HOOK1: variants seen among roughly 807,000 people sequenced by gnomAD.
The protein encoded by HOOK1 is protein Hook homolog 1.
In HOOK1, 60 loss-of-function variants were observed where a neutral mutation model predicts 112.8. That is an observed-to-expected ratio of 0.53 (90% CI 0.43 to 0.66). The LOEUF (loss-of-function observed/expected upper bound fraction) is 0.66. Ranked by LOEUF, HOOK1 falls within the 30% of genes least tolerant of loss-of-function variation. The probability of loss-of-function intolerance (pLI) is 0.00; values close to 1 mark genes in which losing one functional copy is unlikely to be tolerated. For missense variants in HOOK1, 770 were observed against 856.0 expected (o/e 0.90, Z 1.25); for synonymous variants, 294 against 283.8 (o/e 1.04, Z -0.36).
At chr1:59,871,997 G>A (rs532885789) in intron 21 of HOOK1, among the ~76,000 whole-genome samples, 6 of 152,334 alleles carry the variant, frequency 3.9e-5, no homozygotes, top group African/African-American at 1.4e-4. Context: ...ATCAGTGACT[G>A]TGTATTATTT....
chr1:59,822,244 A>G (rs921136009), intron 2 of HOOK1, among the ~76,000 whole-genome samples: 1 of 152,214 alleles, frequency 6.6e-6, no homozygotes, highest in East Asian at 1.9e-4. Context: ...TATAAAAGAA[A>G]CAAGTTAATG....
At chr1:59,833,558 T>C (rs374844840) in intron 5 of HOOK1, 21 bp downstream of exon 5, 345 of 1,513,600 alleles carry the variant, frequency 2.3e-4, no homozygotes, top group Non-Finnish European at 3.0e-4. Context: ...TTCAATCATT[T>C]GAGGATTTCT....
Position 59,815,013 on chromosome 1 carries a change from C to T in HOOK1, c.-105C>T, listed in dbSNP as rs1418665013. 1.6e-6 allele frequency: 2 copies of T among 1,219,990 alleles called. No homozygotes were observed. Among genetic ancestry groups the T allele is most frequent in the Non-Finnish European group, 1.2e-6 (1 of 862,592 alleles). 75.6% of individuals were successfully genotyped at this position (1,219,990 alleles called of 1,614,324 possible). A position where few individuals can be genotyped will look rare whatever the true frequency, so the allele number is the denominator to read the frequency against. ...GAGCTGCGCGGGTCGGGCCTGGTAC[C>T]GAGCTTTCCTGGGGGCTAGCAGGTC... On this transcript the variant is annotated 5_prime_UTR_variant, in exon 1 of 22. Transcript: ENST00000371208.
Position 59,847,151 on chromosome 1 carries a change from A to G in HOOK1, c.895A>G (p.Thr299Ala), listed in dbSNP as rs1336293367. 4 of 1,605,220 alleles carry G rather than the reference A, an allele frequency of 2.5e-6. No homozygotes were observed. In the African/African-American group the frequency reaches 4.0e-5, roughly 16 times the overall value. Residue 299 changes from threonine (T) to alanine (A), a missense_variant, in exon 10 of 22, where the codon ACA becomes GCA. By Grantham distance (58) the Thr-to-Ala change is moderately conservative. Around this residue, in one of 3 missense-constraint regions of HOOK1, gnomAD observed 655 missense variants for 725.9 expected, o/e 0.90. Transcript: ENST00000371208. The stretch of plus-strand genomic sequence containing the variant: ...TGAATTGACTAGTCTTGCAGAAGAA[A>G]CAAGAGCCCTGAAAGATGAAATAGA... ...NDELTSLAEE[T>A]RALKDEIDVL...
chr1:59,871,452 A>C (rs527589019), intron 21 of HOOK1, among the ~76,000 whole-genome samples: 58 of 152,334 alleles, frequency 3.8e-4, no homozygotes, highest in African/African-American at 1.3e-3. Context: ...TTCTGAAGAA[A>C]TATGAAGATC....
At chr1:59,847,425 G>T (rs1456896840) in intron 10 of HOOK1, among the ~76,000 whole-genome samples, 3 of 151,496 alleles carry the variant, frequency 2.0e-5, no homozygotes, top group Non-Finnish European at 4.4e-5. Flanking sequence ...CCCAAAATGA[G>T]ACCTTTAATT....
chr1:59,815,123 G>A lies in HOOK1; in HGVS notation c.6G>A (p.Glu2=). The stretch of plus-strand genomic sequence containing the variant: ...CGTCGACGGCGGCGCCGGCCATGGA[G>A]GAGACGCAGCCGCCGCCGCAGCCTA... M[E]ETQPPPQPKL... is the part of the protein sequence containing the mutation. Residue 2 remains glutamate, a synonymous_variant, in exon 1 of 22, where the codon GAG becomes GAA. Transcript: ENST00000371208. The A allele has an allele frequency of 6.5e-7, 1 of 1,541,730 alleles. No homozygotes were observed. The highest frequency in any genetic ancestry group is 8.7e-7 in the Non-Finnish European group (1 of 1,146,472).
chr1:59,823,266 G>A (rs964562284), intron 2 of HOOK1, among the ~76,000 whole-genome samples: 6 of 152,220 alleles, frequency 3.9e-5, no homozygotes, highest in African/African-American at 1.4e-4. Flanking sequence ...CTCACAGTGA[G>A]CCGAGATCCT....
At chr1:59,858,336 A>G (rs1044427083) in intron 12 of HOOK1, 92 bp from the exon 13 acceptor site, 86 of 821,708 alleles carry the variant, frequency 1.0e-4, no homozygotes, top group Non-Finnish European at 1.6e-4. Flanking sequence ...TTAAGCAACA[A>G]TTATTAAACT....
intron 10 of HOOK1, among the ~76,000 whole-genome samples, chr1:59,847,966 A>G (rs2098404968): frequency 6.6e-6 from 1 of 151,758 alleles, no homozygotes; most frequent in South Asian, 2.1e-4. Context: ...ACACAAAGGA[A>G]GGTTGGCCTG....
chr1:59,827,397 T>C (rs190093092), intron 2 of HOOK1, among the ~76,000 whole-genome samples: 1 of 152,330 alleles, frequency 6.6e-6, no homozygotes, highest in East Asian at 1.9e-4. Flanking sequence ...AGTTGACACA[T>C]AACATTAAAC....
At chr1:59,856,786 T>C (rs1176219835) in intron 12 of HOOK1, among the ~76,000 whole-genome samples, 1 of 152,168 alleles carries the variant, frequency 6.6e-6, no homozygotes, top group Non-Finnish European at 1.5e-5. Flanking sequence ...ATGTGTGTTA[T>C]AAAACACCTT....
intron 2 of HOOK1, among the ~76,000 whole-genome samples, chr1:59,826,256 G>C (rs2098389824): frequency 1.3e-5 from 2 of 151,818 alleles, no homozygotes; most frequent in Admixed American, 1.3e-4. Context: ...TGTTATTGAA[G>C]TTCTGGGAAA....
chr1:59,845,249 A>G (rs949468068), intron 9 of HOOK1, among the ~76,000 whole-genome samples: 2 of 151,956 alleles, frequency 1.3e-5, no homozygotes, highest in African/African-American at 4.8e-5. Context: ...TCATAACTTA[A>G]TCACTTCCCA....
At chr1:59,827,210 G>T (rs1384307573) in intron 2 of HOOK1, among the ~76,000 whole-genome samples, 3 of 152,216 alleles carry the variant, frequency 2.0e-5, no homozygotes, top group African/African-American at 7.2e-5. Flanking sequence ...TTCTTTGGGG[G>T]AGTTCAGCCT....
chr1:59,854,197 G>A (rs558321292), intron 12 of HOOK1, among the ~76,000 whole-genome samples: 6 of 150,126 alleles, frequency 4.0e-5, no homozygotes, highest in Non-Finnish European at 8.9e-5. Context: ...GATTACAGGC[G>A]CATGCCACCA....
chr1:59,817,666 C>T (rs1339835987), intron 1 of HOOK1, among the ~76,000 whole-genome samples: 3 of 152,014 alleles, frequency 2.0e-5, no homozygotes, highest in Non-Finnish European at 4.4e-5. Context: ...ATTTTTTTCC[C>T]TCTACCTAGA....
chr1:59,833,594 T>C (rs2102021215), intron 5 of HOOK1, 57 bp downstream of exon 5: 2 of 1,368,348 alleles, frequency 1.5e-6, no homozygotes, highest in East Asian at 4.9e-5. Context: ...TCTACATTGC[T>C]ATATAAGCTA....
intron 15 of HOOK1, 103 bp downstream of exon 15, chr1:59,860,431 G>T: frequency 1.0e-6 from 1 of 983,168 alleles, no homozygotes; most frequent in Non-Finnish European, 1.5e-6. Flanking sequence ...AAAGTAATTA[G>T]AATTACCTAG....
Sources: allele counts gnomAD v4.1 joint callset (sites outside exome capture counted in the v4.1 genomes callset), GRCh38; gene constraint gnomAD v4.1.1; regional missense constraint gnomAD v4.1.1; transcripts MANE v1.5; gene names NCBI Gene and HGNC (gene_info 2026-07-23, HGNC 2026-07-21).